MTHFD2: variants seen among roughly 807,000 people sequenced by gnomAD.
MTHFD2 encodes the protein methylenetetrahydrofolate dehydrogenase (NADP+ dependent) 2, methenyltetrahydrofolate cyclohydrolase, also known as bifunctional methylenetetrahydrofolate dehydrogenase/cyclohydrolase, mitochondrial.
MTHFD2 carries 26 observed loss-of-function variants against 36.8 expected under a neutral mutation model. The ratio of observed to expected loss-of-function variants is 0.71; its 90% CI spans 0.52 to 0.98. The LOEUF is 0.98. MTHFD2 is among the 50% of genes least tolerant of loss of function. The probability of loss-of-function intolerance (pLI) is 0.00; values close to 1 mark genes in which losing one functional copy is unlikely to be tolerated. For missense variants in MTHFD2, 373 were observed against 434.0 expected (o/e 0.86, Z 1.25); for synonymous variants, 164 against 155.2 (o/e 1.06, Z -0.42).
At chr2:74,202,438 G>A (rs747690728) in intron 1 of MTHFD2, among the ~76,000 whole-genome samples, 2 of 152,072 alleles carry the variant, frequency 1.3e-5, no homozygotes, top group Non-Finnish European at 2.9e-5. Context: ...CCTGCGGTGG[G>A]CATTCCAGGT....
At chr2:74,200,399 A>G (rs1340067211) in intron 1 of MTHFD2, among the ~76,000 whole-genome samples, 2 of 152,256 alleles carry the variant, frequency 1.3e-5, no homozygotes, top group Non-Finnish European at 1.5e-5. Flanking sequence ...TCTGAAAGCA[A>G]TCCATATTAT....
At chr2:74,209,003 A>G (rs1211245650) in intron 4 of MTHFD2, among the ~76,000 whole-genome samples, 1 of 151,408 alleles carries the variant, frequency 6.6e-6, no homozygotes, top group African/African-American at 2.4e-5. Flanking sequence ...CCTCCTGAGT[A>G]GCTGGGATTA....
chr2:74,199,037 G>C (rs540523854), intron 1 of MTHFD2, among the ~76,000 whole-genome samples: 1 of 152,242 alleles, frequency 6.6e-6, no homozygotes, highest in Non-Finnish European at 1.5e-5. Flanking sequence ...GGGCGGGACG[G>C]GGGTGGCGTG....
At chr2:74,199,329 C>G (rs1693987386) in intron 1 of MTHFD2, among the ~76,000 whole-genome samples, 2 of 152,154 alleles carry the variant, frequency 1.3e-5, no homozygotes, top group Admixed American at 1.3e-4. Context: ...CTCTGGGCAC[C>G]CTAGCTTTGG....
Position 74,209,947 on chromosome 2 carries a change from C to G in MTHFD2, c.568C>G (p.Pro190Ala), listed in dbSNP as rs1694268562. 1 of 1,611,508 alleles carries G rather than the reference C, an allele frequency of 6.2e-7. No homozygotes were observed. The highest frequency in any genetic ancestry group is 8.5e-7 in the Non-Finnish European group (1 of 1,178,842). The change falls in exon 5 of 8, where the codon CCA (proline) becomes GCA (alanine). Residue 190 changes from proline to alanine, a missense_variant. By Grantham distance (27) the Pro-to-Ala change is conservative (BLOSUM62 -1). Coordinates refer to ENST00000394053, the MANE Select transcript of MTHFD2 (RefSeq NM_006636.4). ...VWEIIKRTGIPTLGKNVVVAG... is the reference protein window; with the variant it reads ...VWEIIKRTGIATLGKNVVVAG... Reference sequence around the variant, plus strand: ...CAATACATATATTTTTATAGGCATTCCAACCCTAGGGAAGAATGTGGTTGT... The same window carrying G: ...CAATACATATATTTTTATAGGCATTGCAACCCTAGGGAAGAATGTGGTTGT...
chr2:74,203,296 G>A (rs903115940), intron 1 of MTHFD2, among the ~76,000 whole-genome samples: 3 of 152,128 alleles, frequency 2.0e-5, no homozygotes, highest in Admixed American at 6.6e-5. Flanking sequence ...ATGAGCCACC[G>A]TGCCTGGCCA....
intron 7 of MTHFD2, 143 bp from the exon 8 acceptor site, chr2:74,213,936 A>G (rs966409970): frequency 2.7e-5 from 22 of 815,556 alleles, no homozygotes; most frequent in Non-Finnish European, 4.2e-5. Context: ...TGTTCACAAA[A>G]CCTTGAATGA....
rs552636450 is a variant in MTHFD2, at chr2:74,209,223, G to A, written c.562+502G>A. Among the ~76,000 whole-genome samples the A allele has an allele frequency of 5.5e-4, 83 of 150,882 alleles. No homozygotes were observed. The South Asian group carries it at 0.017, about 32-fold the overall frequency. On this transcript the variant is annotated intron_variant, in intron 4 of 7. Coordinates refer to ENST00000394053, the MANE Select transcript of MTHFD2 (RefSeq NM_006636.4). ...TTTTAATCCAGAAGTCTCAGTGAAG[G>A]AAATTTTCTATTTTTCTTTTTCTTT...
At chr2:74,204,914 C>T (rs1385424655) in intron 1 of MTHFD2, among the ~76,000 whole-genome samples, 4 of 152,170 alleles carry the variant, frequency 2.6e-5, no homozygotes, top group Non-Finnish European at 5.9e-5. Flanking sequence ...CAACCTCTGC[C>T]TCCTGGTTTC....
Position 74,207,730 on chromosome 2 carries a change from C to G in MTHFD2, c.313C>G (p.Pro105Ala), listed in dbSNP as rs1694214742. 6.2e-7 allele frequency: 1 copy of G among 1,607,268 alleles called. No individual in the cohort carries two copies. Among genetic ancestry groups the G allele is most frequent in the Non-Finnish European group, 8.5e-7 (1 of 1,174,592 alleles). The stretch of plus-strand genomic sequence containing the variant: ...AATCAACAGTGAGACAATTATGAAA[C>G]CAGCTTCAATTTCAGAGGAAGAATT... The part of the protein sequence containing the change: ...VGINSETIMK[P>A]ASISEEELLN... Residue 105 changes from proline to alanine, a missense_variant, in exon 3 of 8, where the codon CCA becomes GCA. Pro to Ala is a conservative substitution (Grantham distance 27, BLOSUM62 -1). This residue lies in a region of MTHFD2 where 308 missense variants were observed against 397.8 expected (regional missense o/e 0.77). Transcript: ENST00000394053.
At chr2:74,203,899 TAG>T (rs1694109590) in intron 1 of MTHFD2, among the ~76,000 whole-genome samples, 2 of 25,452 alleles carry the variant, frequency 7.9e-5, no homozygotes, top group African/African-American at 5.0e-4. Flanking sequence ...TAGTTTAGTT[TAG>T]TTTAGTTAGT....
Position 74,199,707 on chromosome 2 carries a change from CA to C in MTHFD2, c.101+987del, listed in dbSNP as rs34436782. Among the ~76,000 whole-genome samples, 520 of 103,592 alleles carry C rather than the reference CA, an allele frequency of 5.0e-3. 2 individuals are homozygous for C. Among genetic ancestry groups the C allele is most frequent in the East Asian group, 0.014 (51 of 3,568 alleles). 68.0% of individuals were successfully genotyped at this position (103,592 alleles called of 152,430 possible). On this transcript the variant is annotated intron_variant, in intron 1 of 7. Coordinates refer to ENST00000394053, the MANE Select transcript of MTHFD2 (RefSeq NM_006636.4). The stretch of plus-strand genomic sequence containing the variant: ...TGGGCGACAGAGCGAGACCCTGTCT[CA>C]AAAAAAAAAAAAAAAAAAAAAGTTG...
At chr2:74,213,270 C>CTTTTTTTT (rs10638050) in intron 7 of MTHFD2, among the ~76,000 whole-genome samples, 25 of 76,012 alleles carry the variant, frequency 3.3e-4, no homozygotes, top group African/African-American at 4.2e-4. Context: ...TTTTTCTTTC[C>CTTTTTTTT]TTTTTTTTTT....
At chr2:74,211,936 ATTAT>A (rs1156579795) in intron 7 of MTHFD2, 70 bp downstream of exon 7, 2 of 645,784 alleles carry the variant, frequency 3.1e-6, no homozygotes, top group Non-Finnish European at 4.4e-6. Context: ...TTTAGGATAG[ATTAT>A]TTACTTTTTT....
chr2:74,207,592 G>A, intron 2 of MTHFD2, 112 bp from the exon 3 acceptor site: 1 of 992,726 alleles, frequency 1.0e-6, no homozygotes. Context: ...TCAGCTTTTA[G>A]GGATGAGTGT....
At chr2:74,201,723 C>T (rs1467135507) in intron 1 of MTHFD2, among the ~76,000 whole-genome samples, 1 of 152,158 alleles carries the variant, frequency 6.6e-6, no homozygotes, top group Non-Finnish European at 1.5e-5. Flanking sequence ...TTTGGATTCC[C>T]CGTGGGACTT....
In MTHFD2 at chr2:74,213,270, CTTTT is replaced by C. The variant is rs10638050; in HGVS notation, c.890-788_890-785del. ...ATGCTGATAATCCTTTTTTTCTTTC[CTTTT>C]TTTTTTTTTTTTTTTTTTTTGAGAC... On this transcript the variant is annotated intron_variant, in intron 7 of 7. Coordinates refer to ENST00000394053, the MANE Select transcript of MTHFD2 (RefSeq NM_006636.4). Among the ~76,000 whole-genome samples the C allele has an allele frequency of 1.6e-4, 12 of 76,008 alleles. No homozygotes were observed. In the South Asian group the frequency reaches 1.6e-3, roughly 10 times the overall value. The allele number at this position is 76,008 out of a possible 152,430, so 49.9% of individuals were successfully genotyped here.
chr2:74,209,265 C>T (rs535026908), intron 4 of MTHFD2, among the ~76,000 whole-genome samples: 5 of 151,332 alleles, frequency 3.3e-5, no homozygotes, highest in East Asian at 3.9e-4. Flanking sequence ...GTTTTTGAGA[C>T]GGAGTCTTGC....
In MTHFD2 at chr2:74,202,786, G is replaced by A. The variant is rs1409536526; in HGVS notation, c.102-2919G>A. Among the ~76,000 whole-genome samples, 4 of 151,460 alleles carry A rather than the reference G, an allele frequency of 2.6e-5. No homozygotes were observed. The East Asian group carries it at 5.8e-4, about 22-fold the overall frequency. On this transcript the variant is annotated intron_variant, in intron 1 of 7. Coordinates refer to ENST00000394053, the MANE Select transcript of MTHFD2 (RefSeq NM_006636.4). ...CATGATCTGCCTACCTTGGCTTCCCGAAGTGTTGGGATTACAGATGTGAGC... is the reference window on the plus strand; with the variant it reads ...CATGATCTGCCTACCTTGGCTTCCCAAAGTGTTGGGATTACAGATGTGAGC...
Sources: gnomAD v4.1 joint callset for allele counts (sites outside exome capture counted in the v4.1 genomes callset) on GRCh38, gnomAD v4.1.1 for gene constraint, gnomAD v4.1.1 regional missense constraint, MANE v1.5 for transcripts, NCBI Gene and HGNC (gene_info 2026-07-23, HGNC 2026-07-21) for gene names.